IL1RAPL2: variants seen among roughly 807,000 people sequenced by gnomAD.
IL1RAPL2 encodes the protein X-linked interleukin-1 receptor accessory protein-like 2.
A neutral mutation model predicts 44.1 loss-of-function variants in IL1RAPL2; 3 were observed. That is an observed-to-expected ratio of 0.07 (90% CI 0.03 to 0.18). The LOEUF (loss-of-function observed/expected upper bound fraction) is 0.18, where lower values mean the gene tolerates loss of function less well. Among genes scored for constraint, IL1RAPL2 ranks in the 10% least tolerant of loss-of-function variants. IL1RAPL2 has a pLI of 1.00. For missense variants in IL1RAPL2, 391 were observed against 496.4 expected (o/e 0.79, Z 2.02); for synonymous variants, 181 against 178.8 (o/e 1.01, Z -0.10).
intron 5 of IL1RAPL2, among the ~76,000 whole-genome samples, chrX:105,279,744 C>G (rs1313950559): frequency 8.9e-6 from 1 of 112,161 alleles, no homozygotes; most frequent in Non-Finnish European, 1.9e-5. Flanking sequence ...TCCCAAAGTG[C>G]TGGGATTACA....
At chrX:105,221,683 C>G (rs782573759) in intron 3 of IL1RAPL2, among the ~76,000 whole-genome samples, 65 of 111,954 alleles carry the variant, frequency 5.8e-4, no homozygotes, top group African/African-American at 2.1e-3. Context: ...AAGTTTCAGT[C>G]TGTTTACATG....
chrX:105,702,142 C>T (rs1001546333), intron 6 of IL1RAPL2, among the ~76,000 whole-genome samples: 4 of 111,486 alleles, frequency 3.6e-5, no homozygotes, highest in African/African-American at 1.3e-4. Context: ...AATGTCTTTG[C>T]AAGGAACTAG....
At chrX:104,833,197 T>C (rs181233222) in intron 2 of IL1RAPL2, among the ~76,000 whole-genome samples, 9 of 110,963 alleles carry the variant, frequency 8.1e-5, no homozygotes, top group Admixed American at 7.8e-4. Flanking sequence ...TGGAGTGCAG[T>C]GATGTGATCA....
At chrX:105,417,221 C>A (rs1483262681) in intron 5 of IL1RAPL2, among the ~76,000 whole-genome samples, 1 of 112,504 alleles carries the variant, frequency 8.9e-6, no homozygotes, top group Non-Finnish European at 1.9e-5. Flanking sequence ...CGCCTGTAAT[C>A]CCAGCATTTT....
chrX:104,815,466 TAG>T (rs1921108605), intron 2 of IL1RAPL2, among the ~76,000 whole-genome samples: 1 of 111,509 alleles, frequency 9.0e-6, no homozygotes, highest in African/African-American at 3.3e-5. Flanking sequence ...GAAGAGTATG[TAG>T]ATGACATAGG....
intron 2 of IL1RAPL2, among the ~76,000 whole-genome samples, chrX:104,801,421 A>T (rs1932884424): frequency 2.1e-5 from 2 of 93,159 alleles, no homozygotes; most frequent in South Asian, 1.2e-3. Context: ...TTCCTTATCG[A>T]CTTGAGCATT....
intron 4 of IL1RAPL2, among the ~76,000 whole-genome samples, chrX:105,244,673 C>A (rs969336876): frequency 8.9e-6 from 1 of 111,845 alleles, no homozygotes; most frequent in East Asian, 2.8e-4. Flanking sequence ...ATTCAATACT[C>A]CTTGGGGTCA....
intron 6 of IL1RAPL2, among the ~76,000 whole-genome samples, chrX:105,552,449 C>T (rs920095887): frequency 3.6e-5 from 4 of 112,153 alleles, no homozygotes; most frequent in African/African-American, 6.5e-5. Context: ...TCCCTTTTTG[C>T]GTTCGCAAAT....
intron 2 of IL1RAPL2, among the ~76,000 whole-genome samples, chrX:105,193,341 A>G (rs1556138351): frequency 8.9e-6 from 1 of 111,954 alleles, no homozygotes; most frequent in African/African-American, 3.2e-5. Context: ...TAATAGTTTA[A>G]AAAAATATTC....
At chrX:105,220,407 G>A (rs782193389) in intron 3 of IL1RAPL2, 13 of 1,163,952 alleles carry the variant, frequency 1.1e-5, no homozygotes, top group Middle Eastern at 5.5e-4. Flanking sequence ...TGATCGCCTA[G>A]GGGTTTAACG....
intron 2 of IL1RAPL2, among the ~76,000 whole-genome samples, chrX:104,824,859 G>T (rs2147625476): frequency 9.0e-6 from 1 of 110,727 alleles, no homozygotes; most frequent in South Asian, 3.8e-4. Context: ...ATTTTTTGAA[G>T]GGTTTTTCAT....
rs1299552074 is a variant in IL1RAPL2, at chrX:104,856,624, C to G, written c.82+197629C>G. On this transcript the variant is annotated intron_variant, in intron 2 of 10. Coordinates refer to ENST00000372582, the MANE Select transcript of IL1RAPL2 (RefSeq NM_017416.2). ...AATCCTGGAACAATTTCTTATACCT[C>G]TTTAACTACTCCCACTCCTGCCATA... Among the ~76,000 whole-genome samples, 3 of 111,833 alleles carry G rather than the reference C, an allele frequency of 2.7e-5. No homozygotes were observed. In the East Asian group the frequency reaches 8.4e-4, roughly 31 times the overall value.
At chrX:105,134,112 G>A (rs1454194069) in intron 2 of IL1RAPL2, among the ~76,000 whole-genome samples, 1 of 111,709 alleles carries the variant, frequency 9.0e-6, no homozygotes, top group Non-Finnish European at 1.9e-5. Context: ...CAGCTTTTGT[G>A]ATTTCTGATG....
chrX:105,654,390 C>A (rs1427362701), intron 6 of IL1RAPL2, among the ~76,000 whole-genome samples: 2 of 111,310 alleles, frequency 1.8e-5, no homozygotes, highest in Non-Finnish European at 1.9e-5. Flanking sequence ...CCCCTTTAAT[C>A]TCTTACCTTA....
intron 2 of IL1RAPL2, among the ~76,000 whole-genome samples, chrX:104,861,654 C>T (rs147958805): frequency 2.7e-5 from 3 of 110,353 alleles, no homozygotes; most frequent in Admixed American, 9.7e-5. Context: ...TTGGTACCCT[C>T]GAGAGTACCA....
chrX:105,363,829 C>A (rs1381612685), intron 5 of IL1RAPL2, among the ~76,000 whole-genome samples: 1 of 110,515 alleles, frequency 9.0e-6, no homozygotes, highest in Non-Finnish European at 1.9e-5. Context: ...ATTTGGGTTC[C>A]TTATATGTTT....
intron 2 of IL1RAPL2, among the ~76,000 whole-genome samples, chrX:105,073,373 C>T (rs1381550870): frequency 9.2e-6 from 1 of 108,264 alleles, no homozygotes; most frequent in East Asian, 2.9e-4. Context: ...AGGACATGAA[C>T]TCATCATTTT....
At chrX:105,316,950 A>G (rs1455008960) in intron 5 of IL1RAPL2, among the ~76,000 whole-genome samples, 2 of 110,906 alleles carry the variant, frequency 1.8e-5, no homozygotes, top group Admixed American at 1.9e-4. Flanking sequence ...CTGTAAAGCC[A>G]AACTTGAGAT....
intron 5 of IL1RAPL2, among the ~76,000 whole-genome samples, chrX:105,380,374 A>G (rs2035420627): frequency 9.0e-6 from 1 of 111,599 alleles, no homozygotes; most frequent in Non-Finnish European, 1.9e-5. Flanking sequence ...TTAGAAAGAT[A>G]GGCAGTTGTG....
Sources: allele counts gnomAD v4.1 joint callset (sites outside exome capture counted in the v4.1 genomes callset), GRCh38; gene constraint gnomAD v4.1.1; transcripts MANE v1.5; gene names NCBI Gene and HGNC (gene_info 2026-07-23, HGNC 2026-07-21).